The following ROBO2 variants were observed in gnomAD, a reference collection of about 807,000 sequenced individuals.
ROBO2 encodes roundabout homolog 2.
ROBO2 carries 53 observed loss-of-function variants against 160.8 expected under a neutral mutation model. The ratio of observed to expected loss-of-function variants is 0.33; its 90% CI spans 0.26 to 0.41. The LOEUF is 0.41. Ranked by LOEUF, ROBO2 falls within the 10% of genes least tolerant of loss-of-function variation. ROBO2 has a pLI of 1.00. For synonymous variants in ROBO2, 664 were observed against 611.7 expected (o/e 1.09, Z -1.26); for missense variants, 1,577 against 1,722.4 (o/e 0.92, Z 1.49).
At chr3:77,592,608 G>T (rs1246430144) in intron 17 of ROBO2, among the ~76,000 whole-genome samples, 1 of 152,082 alleles carries the variant, frequency 6.6e-6, no homozygotes, top group Non-Finnish European at 1.5e-5. Context: ...CTGGAGTGCA[G>T]TGGCACGATC....
intron 2 of ROBO2, among the ~76,000 whole-genome samples, chr3:77,358,649 C>T (rs79230587): frequency 0.019 from 2,931 of 152,234 alleles, 104 homozygotes; most frequent in African/African-American, 0.067. Flanking sequence ...CGTGCATCTA[C>T]GCAGGCCATG....
intron 2 of ROBO2, among the ~76,000 whole-genome samples, chr3:77,239,149 G>T (rs2088560301): frequency 6.6e-6 from 1 of 152,188 alleles, no homozygotes; most frequent in Non-Finnish European, 1.5e-5. Flanking sequence ...CTCACGGTGA[G>T]TGTTACAGTT....
intron 2 of ROBO2, among the ~76,000 whole-genome samples, chr3:76,223,269 C>T (rs1376000063): frequency 6.6e-6 from 1 of 151,828 alleles, no homozygotes; most frequent in Non-Finnish European, 1.5e-5. Flanking sequence ...AGAGAATCAG[C>T]ATTATTTTAT....
chr3:76,250,092 T>C (rs1212382336), intron 2 of ROBO2, among the ~76,000 whole-genome samples: 2 of 152,104 alleles, frequency 1.3e-5, no homozygotes, highest in African/African-American at 4.8e-5. Flanking sequence ...TATGAAATGC[T>C]GTTATCAGTT....
Position 76,242,019 on chromosome 3 carries a change from TA to T in ROBO2, c.109+304418del, listed in dbSNP as rs201770670. On this transcript the variant is annotated intron_variant, in intron 2 of 26. Transcript: ENST00000487694. ...AGTAGAAAGCAAGGAAAGTGCTGAT[TA>T]CCACTCTGAAATATTATCTTCATAG... Among the ~76,000 whole-genome samples, 522 of 152,348 alleles carry T rather than the reference TA, an allele frequency of 3.4e-3. 6 individuals are homozygous for T. The highest frequency in any genetic ancestry group is 0.025 in the Admixed American group (376 of 15,304).
At chr3:76,196,648 A>C (rs1259168399) in intron 2 of ROBO2, among the ~76,000 whole-genome samples, 1 of 152,178 alleles carries the variant, frequency 6.6e-6, no homozygotes, top group African/African-American at 2.4e-5. Context: ...TTTGCATGAA[A>C]AAAAGTAAAT....
intron 2 of ROBO2, among the ~76,000 whole-genome samples, chr3:76,030,180 G>T (rs1407158316): frequency 6.6e-6 from 1 of 152,124 alleles, no homozygotes; most frequent in East Asian, 1.9e-4. Flanking sequence ...AAAAGTGTCT[G>T]TTCATATCCT....
intron 16 of ROBO2, 41 bp downstream of exon 17, chr3:77,580,159 AGCTGACAAG>A (rs1188220492): frequency 1.3e-6 from 2 of 1,596,674 alleles, no homozygotes; most frequent in Middle Eastern, 1.7e-4. Context: ...AGAATCAGTC[AGCTGACAAG>A]GTGGATGATG....
At chr3:76,793,126 A>G (rs1414975751) in intron 2 of ROBO2, among the ~76,000 whole-genome samples, 1 of 151,836 alleles carries the variant, frequency 6.6e-6, no homozygotes, top group Non-Finnish European at 1.5e-5. Context: ...CCATATATAG[A>G]AAAATCACAC....
At chr3:76,967,994 TG>T (rs1203978946) in intron 2 of ROBO2, among the ~76,000 whole-genome samples, 3 of 152,216 alleles carry the variant, frequency 2.0e-5, no homozygotes, top group Admixed American at 6.5e-5. Flanking sequence ...TTCCATTTCT[TG>T]ACTTTGGAAG....
chr3:76,143,805 A>G (rs1336711152), intron 2 of ROBO2, among the ~76,000 whole-genome samples: 1 of 152,048 alleles, frequency 6.6e-6, no homozygotes, highest in Non-Finnish European at 1.5e-5. Context: ...TCAGTCGACA[A>G]CCTGGGGACC....
chr3:76,147,691 C>G (rs897866664), intron 2 of ROBO2, among the ~76,000 whole-genome samples: 2 of 151,594 alleles, frequency 1.3e-5, no homozygotes, highest in Non-Finnish European at 2.9e-5. Flanking sequence ...GCAAAGCAGC[C>G]AAGACAGGAA....
intron 2 of ROBO2, among the ~76,000 whole-genome samples, chr3:77,005,578 T>C (rs1489254403): frequency 1.3e-5 from 2 of 152,182 alleles, no homozygotes; most frequent in South Asian, 2.1e-4. Context: ...GATCTTCTTT[T>C]AGGACTAATA....
chr3:76,168,293 C>T (rs1447485261), intron 2 of ROBO2, among the ~76,000 whole-genome samples: 1 of 152,054 alleles, frequency 6.6e-6, no homozygotes. Flanking sequence ...TTTTACCTAC[C>T]ACATATTGAA....
At chr3:76,953,311 G>A (rs957764166) in intron 2 of ROBO2, among the ~76,000 whole-genome samples, 1 of 152,112 alleles carries the variant, frequency 6.6e-6, no homozygotes, top group Non-Finnish European at 1.5e-5. Context: ...TAATCTATTC[G>A]ATTACAATAG....
intron 2 of ROBO2, among the ~76,000 whole-genome samples, chr3:77,223,939 G>C (rs2086155905): frequency 6.6e-6 from 1 of 151,836 alleles, no homozygotes; most frequent in Admixed American, 6.6e-5. Context: ...TCTTATTTGT[G>C]TGTGTCATCC....
chr3:76,062,185 A>G (rs2107894026), intron 2 of ROBO2, among the ~76,000 whole-genome samples: 1 of 152,290 alleles, frequency 6.6e-6, no homozygotes, highest in Middle Eastern at 3.4e-3. Flanking sequence ...GCCTACCACA[A>G]AAATGGAGCC....
intron 2 of ROBO2, among the ~76,000 whole-genome samples, chr3:76,510,931 T>C (rs920264689): frequency 6.6e-6 from 1 of 151,922 alleles, no homozygotes; most frequent in African/African-American, 2.4e-5. Flanking sequence ...AGGGAACAAA[T>C]GGAATGGTTG....
intron 5 of ROBO2, among the ~76,000 whole-genome samples, chr3:77,499,894 G>A (rs748363769): frequency 1.3e-5 from 2 of 151,964 alleles, no homozygotes; most frequent in Non-Finnish European, 2.9e-5. Flanking sequence ...TGATCCACCC[G>A]CCTCAGCCTC....
Sources: allele counts gnomAD v4.1 joint callset (sites outside exome capture counted in the v4.1 genomes callset), GRCh38; gene constraint gnomAD v4.1.1; transcripts MANE v1.5; gene names NCBI Gene and HGNC (gene_info 2026-07-23, HGNC 2026-07-21).